LRRC4B: variants seen among roughly 807,000 people sequenced by gnomAD.
LRRC4B encodes the protein leucine rich repeat containing 4B, also known as leucine-rich repeat-containing protein 4B.
A neutral mutation model predicts 7.3 loss-of-function variants in LRRC4B; 1 was observed. The observed-to-expected ratio is 0.14, with a 90% confidence interval of 0.05 to 0.65. The LOEUF (loss-of-function observed/expected upper bound fraction) is 0.65, where lower values mean the gene tolerates loss of function less well. Ranked by LOEUF, LRRC4B falls within the 30% of genes least tolerant of loss-of-function variation. LRRC4B has a pLI of 0.84. For synonymous variants in LRRC4B, 500 were observed against 499.2 expected (o/e 1.00, Z -0.02); for missense variants, 730 against 1,041.6 (o/e 0.70, Z 4.12).
chr19:50,518,541 A>G lies in LRRC4B; in HGVS notation c.1172T>C (p.Met391Thr). The change falls in exon 3 of 3, where the codon ATG becomes ACG. Residue 391 changes from methionine (M) to threonine (T), a missense_variant. Physicochemically the swap from Met to Thr is moderately conservative, Grantham distance 81. Transcript: ENST00000652263. ...AELKCRTGTSMTSVNWLTPNG... is the reference protein window; with the variant it reads ...AELKCRTGTSTTSVNWLTPNG... ...GGGCGTCAGCCAGTTGACGGAGGTC[A>G]TGGAGGTGCCCGTGCGGCATTTGAG... The G allele has an allele frequency of 6.3e-7, 1 of 1,583,522 alleles. No homozygotes were observed. The highest frequency in any genetic ancestry group is 1.2e-5 in the South Asian group (1 of 85,832).
intron 1 of LRRC4B, among the ~76,000 whole-genome samples, chr19:50,552,667 T>C (rs1377901688): frequency 7.5e-6 from 1 of 133,820 alleles, no homozygotes; most frequent in East Asian, 2.6e-4. Flanking sequence ...CATCCATCCA[T>C]CCATCCATCC....
At chr19:50,531,041 C>T (rs901440752) in intron 2 of LRRC4B, among the ~76,000 whole-genome samples, 1 of 152,028 alleles carries the variant, frequency 6.6e-6, no homozygotes, top group Admixed American at 6.6e-5. Context: ...AGCCACCGTG[C>T]CCAGCCTAGG....
intron 1 of LRRC4B, among the ~76,000 whole-genome samples, chr19:50,566,553 G>A (rs898041656): frequency 2.0e-5 from 3 of 148,022 alleles, no homozygotes; most frequent in African/African-American, 7.4e-5. Context: ...GGAAGGAGAT[G>A]GGGGTGCAGA....
chr19:50,539,099 C>T (rs1418163688), intron 2 of LRRC4B, among the ~76,000 whole-genome samples: 3 of 150,292 alleles, frequency 2.0e-5, no homozygotes, highest in Non-Finnish European at 4.4e-5. Context: ...AGGATGGTCT[C>T]GAACTCCTGA....
intron 1 of LRRC4B, among the ~76,000 whole-genome samples, chr19:50,552,692 C>T (rs1456691295): frequency 4.9e-4 from 65 of 133,002 alleles, no homozygotes; most frequent in South Asian, 1.6e-3. Flanking sequence ...ATCCATCCGT[C>T]CATCCATCCG....
chr19:50,524,211 A>G (rs57224168), intron 2 of LRRC4B, among the ~76,000 whole-genome samples: 25 of 152,150 alleles, frequency 1.6e-4, no homozygotes, highest in African/African-American at 5.8e-4. Context: ...GGTGCTGTCC[A>G]ATAGAAATAG....
intron 2 of LRRC4B, among the ~76,000 whole-genome samples, chr19:50,530,174 G>T (rs1150929): frequency 6.6e-6 from 1 of 151,896 alleles, no homozygotes; most frequent in Non-Finnish European, 1.5e-5. Context: ...TCCTGCCTGG[G>T]CTTCAGTCTC....
Position 50,519,344 on chromosome 19 carries a change from G to C in LRRC4B, c.369C>G (p.Arg123=), listed in dbSNP as rs1440821063. 23 of 1,612,074 alleles carry C rather than the reference G, an allele frequency of 1.4e-5. No individual in the cohort carries two copies. Among genetic ancestry groups the C allele is most frequent in the Non-Finnish European group, 1.9e-5 (23 of 1,179,978 alleles). ...EILQLSKNLV[R]KIEVGAFNGL... ...CGTTGAAGGCGCCCACCTCGATCTT[G>C]CGCACCAGGTTCTTGCTCAGCTGCA... Residue 123 remains arginine, a synonymous_variant, in exon 3 of 3, where the codon CGC becomes CGG. Coordinates refer to ENST00000652263, the MANE Select transcript of LRRC4B (RefSeq NM_001080457.2). This position sits in a 1 kb window ranked among gnomAD's most constrained non-coding sequence, Gnocchi z 8.1.
At chr19:50,529,174 C>G (rs1427757453) in intron 2 of LRRC4B, among the ~76,000 whole-genome samples, 1 of 152,036 alleles carries the variant, frequency 6.6e-6, no homozygotes, top group Non-Finnish European at 1.5e-5. Flanking sequence ...CGCTAAACAC[C>G]AACAGCAAAA....
chr19:50,557,015 G>T (rs1402590025), intron 1 of LRRC4B, among the ~76,000 whole-genome samples: 3 of 152,158 alleles, frequency 2.0e-5, no homozygotes, highest in African/African-American at 7.2e-5. Context: ...AGCTCTGGTG[G>T]GTGAAGGACC....
Position 50,548,691 on chromosome 19 carries a change from C to G in LRRC4B, c.148G>C (p.Gly50Arg), listed in dbSNP as rs2122893117. The change falls in exon 2 of 3, where the codon GGC (glycine) becomes CGC (arginine). Residue 50 changes from glycine to arginine, a missense_variant. Transcript: ENST00000652263. This position sits in a 1 kb window ranked among gnomAD's most constrained non-coding sequence, Gnocchi z 6.8. The stretch of plus-strand genomic sequence containing the variant: ...GGGCAGGAGGTGGCCGGCGGGGAGC[C>G]CCCTCCGGCGGCAGACGTCACGGCC... ...GVAVTSAAGG[G>R]SPPATSCPVA... 2 of 1,548,196 alleles carry G rather than the reference C, an allele frequency of 1.3e-6. No individual in the cohort carries two copies. Among genetic ancestry groups the G allele is most frequent in the East Asian group, 4.8e-5 (2 of 41,508 alleles).
intron 2 of LRRC4B, among the ~76,000 whole-genome samples, chr19:50,532,792 C>T (rs893054370): frequency 2.6e-5 from 4 of 152,236 alleles, no homozygotes; most frequent in African/African-American, 7.2e-5. Context: ...AAATTCGTGA[C>T]AGACTTCGGC....
In LRRC4B at chr19:50,517,777, CG is replaced by C; in HGVS notation, c.1935del (p.Asp647ThrfsTer219). 1 of 1,526,288 alleles carries C rather than the reference CG, an allele frequency of 6.6e-7. No homozygotes were observed. The highest frequency in any genetic ancestry group is 8.8e-7 in the Non-Finnish European group (1 of 1,142,484). 94.5% of individuals were successfully genotyped at this position (1,526,288 alleles called of 1,614,324 possible). On this transcript the variant is annotated frameshift_variant, in exon 3 of 3. Transcript: ENST00000652263. LOFTEE classifies it low-confidence loss of function (END_TRUNC). This position sits in a 1 kb window ranked among gnomAD's most constrained non-coding sequence, Gnocchi z 6.6. ...AAAVASGGGV[G>X]GDSHLALPAL... ...GCGGGCAGGGCCAGGTGGCTGTCCC[CG>C]CCCACACCACCCCCACTGGCCACGG...
chr19:50,547,497 C>T (rs371145968), intron 2 of LRRC4B, among the ~76,000 whole-genome samples: 62 of 151,890 alleles, frequency 4.1e-4, no homozygotes, highest in African/African-American at 1.4e-3. Context: ...CCTCTGGCAT[C>T]GGCACCCTCT....
At chr19:50,532,077 C>A (rs73062162) in intron 2 of LRRC4B, among the ~76,000 whole-genome samples, 10,721 of 151,908 alleles carry the variant, frequency 0.071, 510 homozygotes, top group Non-Finnish European at 0.094. Context: ...ACAACAACAC[C>A]CACCAAAATT....
At chr19:50,525,546 C>T (rs1980770865) in intron 2 of LRRC4B, among the ~76,000 whole-genome samples, 1 of 151,208 alleles carries the variant, frequency 6.6e-6, no homozygotes, top group African/African-American at 2.4e-5. Flanking sequence ...GCTAGGATTA[C>T]AGGCGTCCTC....
intron 2 of LRRC4B, among the ~76,000 whole-genome samples, chr19:50,544,870 CAT>C (rs1228440811): frequency 1.3e-5 from 2 of 151,838 alleles, no homozygotes; most frequent in African/African-American, 4.8e-5. Flanking sequence ...GCCTGGGAAA[CAT>C]AGTGAGACCC....
intron 1 of LRRC4B, among the ~76,000 whole-genome samples, chr19:50,565,896 T>G (rs539179129): frequency 6.6e-6 from 1 of 152,150 alleles, no homozygotes; most frequent in Admixed American, 6.5e-5. Context: ...GATGCCCTAA[T>G]TGCCTGTATG....
rs1262049289 is a variant in LRRC4B, at chr19:50,537,332, A to C, written c.297+11210T>G. ...AGGACCTACTCAGGGGGCTGTCGTG[A>C]GGCTGAAATTCACTGACCCTGTAAA... On this transcript the variant is annotated intron_variant, in intron 2 of 2. Transcript: ENST00000652263. This position sits in a 1 kb window ranked among gnomAD's most constrained non-coding sequence, Gnocchi z 5.5. Among the ~76,000 whole-genome samples, 2 of 152,158 alleles carry C rather than the reference A, an allele frequency of 1.3e-5. No individual in the cohort carries two copies. The highest frequency in any genetic ancestry group is 1.9e-4 in the East Asian group (1 of 5,194).
Sources: gnomAD v4.1 joint callset for allele counts (sites outside exome capture counted in the v4.1 genomes callset) on GRCh38, gnomAD v4.1.1 for gene constraint, Gnocchi (gnomAD v3.1) non-coding constraint, MANE v1.5 for transcripts, NCBI Gene and HGNC (gene_info 2026-07-23, HGNC 2026-07-21) for gene names.